Variants in CDH23 observed in about 807,000 individuals in gnomAD.
CDH23 encodes the protein cadherin-23.
In CDH23, 189 loss-of-function variants were observed where a neutral mutation model predicts 317.1. The ratio of observed to expected loss-of-function variants is 0.60; its 90% CI spans 0.53 to 0.67. The LOEUF (loss-of-function observed/expected upper bound fraction) is 0.67. Among genes scored for constraint, CDH23 ranks in the 30% least tolerant of loss-of-function variants. The pLI, the probability that CDH23 is intolerant of heterozygous loss-of-function variation, is 0.00. For synonymous variants in CDH23, 1,839 were observed against 1,876.8 expected, an observed-to-expected ratio of 0.98 and a Z score of 0.52; for missense variants, 4,401 against 4,592.4, an observed-to-expected ratio of 0.96 and a Z score of 1.20.
At chr10:71,677,194 G>A (rs912887631) in intron 15 of CDH23, among the ~76,000 whole-genome samples, 1 of 152,106 alleles carries the variant, frequency 6.6e-6, no homozygotes, top group East Asian at 1.9e-4. Context: ...ATAGCAGGAG[G>A]GTTGTTCTGC....
chr10:71,656,793 C>T (rs936167426), intron 14 of CDH23, among the ~76,000 whole-genome samples: 1 of 152,096 alleles, frequency 6.6e-6, no homozygotes, highest in Non-Finnish European at 1.5e-5. Context: ...GTGGTGGATG[C>T]ACAGAGAGCA....
intron 14 of CDH23, among the ~76,000 whole-genome samples, chr10:71,652,799 C>A (rs1863240366): frequency 6.6e-6 from 1 of 152,206 alleles, no homozygotes; most frequent in Non-Finnish European, 1.5e-5. Context: ...AGAGCTGTGG[C>A]CCTGCCTCAG....
intron 9 of CDH23, among the ~76,000 whole-genome samples, chr10:71,612,263 T>G (rs1261151510): frequency 6.6e-6 from 1 of 151,960 alleles, no homozygotes; most frequent in Admixed American, 6.6e-5. Context: ...TGTATGTGTG[T>G]CTTGAGTTTG....
intron 6 of CDH23, among the ~76,000 whole-genome samples, chr10:71,560,300 A>G (rs1399104060): frequency 1.3e-5 from 2 of 152,100 alleles, no homozygotes; most frequent in African/African-American, 2.4e-5. Flanking sequence ...ATGGGAGCCC[A>G]TTTTCTTATT....
intron 9 of CDH23, among the ~76,000 whole-genome samples, chr10:71,587,977 GACACCCACAAGTCC>G (rs1431910249): frequency 1.3e-5 from 2 of 152,218 alleles, no homozygotes; most frequent in African/African-American, 4.8e-5. Context: ...TAAGCCTGAA[GACACCCACAAGTCC>G]ACATTGCTAT....
intron 16 of CDH23, among the ~76,000 whole-genome samples, chr10:71,678,417 C>A (rs924487884): frequency 1.3e-5 from 2 of 152,344 alleles, no homozygotes; most frequent in Non-Finnish European, 1.5e-5. Flanking sequence ...GCAAGTCCCC[C>A]ACTAGGCTTC....
intron 34 of CDH23, among the ~76,000 whole-genome samples, chr10:71,737,546 C>T (rs1171595879): frequency 4.6e-5 from 7 of 152,220 alleles, no homozygotes; most frequent in African/African-American, 1.7e-4. Context: ...CAGGCTTAGC[C>T]GGCTCCCCAT....
chr10:71,806,487 G>T (rs1301435936), intron 57 of CDH23, among the ~76,000 whole-genome samples: 1 of 149,360 alleles, frequency 6.7e-6, no homozygotes, highest in Non-Finnish European at 1.5e-5. Context: ...AAAAAAAAAA[G>T]GCAGACCAAA....
At chr10:71,734,541 G>T in intron 33 of CDH23, 115 bp from the exon 34 acceptor site, 1 of 1,606,600 alleles carries the variant, frequency 6.2e-7, no homozygotes, top group African/African-American at 1.3e-5. Context: ...GCAGGTGGAG[G>T]GTGGCACCTC....
In CDH23 at chr10:71,602,632, C is replaced by T. The variant is rs57398751; in HGVS notation, c.833-12872C>T. ...TTGTCCCACAAACTTCAGGGTGCAC[C>T]TGTCACTGCCATTGCACCCCACCCT... On this transcript the variant is annotated intron_variant, in intron 9 of 69. Coordinates refer to ENST00000224721, the MANE Select transcript of CDH23 (RefSeq NM_022124.6). Among the ~76,000 whole-genome samples, 3,602 of 152,194 alleles carry T rather than the reference C, an allele frequency of 0.024. 225 individuals are homozygous for T. In the East Asian group the frequency reaches 0.26, roughly 11 times the overall value.
chr10:71,505,747 C>T (rs902426887), intron 3 of CDH23, among the ~76,000 whole-genome samples: 8 of 152,108 alleles, frequency 5.3e-5, no homozygotes, highest in African/African-American at 9.7e-5. Flanking sequence ...TCCTCCTTAC[C>T]GCTGAAAAAA....
intron 8 of CDH23, 136 bp from the exon 9 acceptor site, chr10:71,577,778 C>A: frequency 2.8e-6 from 2 of 707,522 alleles, no homozygotes; most frequent in South Asian, 1.7e-5. Context: ...GATGCCTGAG[C>A]CCTTGGCATC....
At chr10:71,807,211 G>A (rs976723433) in intron 57 of CDH23, 66 bp from the exon 58 acceptor site, 1 of 1,587,412 alleles carries the variant, frequency 6.3e-7, no homozygotes, top group African/African-American at 1.3e-5. Context: ...CCAGGGCCCT[G>A]AAACAGGGAC....
chr10:71,429,686 C>G (rs11591429), intron 1 of CDH23, among the ~76,000 whole-genome samples: 86,299 of 152,054 alleles, frequency 0.57, 24,797 homozygotes, highest in East Asian at 0.62. Flanking sequence ...AAGAAGGTAT[C>G]GTGACTGACT....
intron 38 of CDH23, among the ~76,000 whole-genome samples, chr10:71,773,805 G>C (rs992745587): frequency 4.6e-5 from 7 of 152,168 alleles, no homozygotes; most frequent in African/African-American, 1.4e-4. Context: ...CTCTAACAGC[G>C]TGATAGACGT....
At position 71,667,359 on chromosome 10, in the gene CDH23, A is replaced by AGAGAGAGAGAGTGTGTGTGT. The variant is rs58361666; in HGVS notation, c.1450-7752_1450-7751insAGAGAGAGAGTGTGTGTGTG. Among the ~76,000 whole-genome samples the AGAGAGAGAGAGTGTGTGTGT allele has an allele frequency of 1.6e-3, 175 of 112,084 alleles. 1 individual carries two copies. The highest frequency in any genetic ancestry group is 0.013 in the Middle Eastern group (3 of 230). The allele number at this position is 112,084 out of a possible 152,430, so 73.5% of individuals were successfully genotyped here. A position where few individuals can be genotyped will look rare whatever the true frequency, so the allele number is the denominator to read the frequency against. ...GCTTGAGGCAGAGAAAGAGAGAGAG[A>AGAGAGAGAGAGTGTGTGTGT]GTGTGTGTGTGTGTGTGTGTGTGTG... On this transcript the variant is annotated intron_variant, in intron 14 of 69. Coordinates refer to ENST00000224721, the MANE Select transcript of CDH23 (RefSeq NM_022124.6).
intron 1 of CDH23, among the ~76,000 whole-genome samples, chr10:71,411,852 G>C (rs1227772868): frequency 6.6e-6 from 1 of 152,156 alleles, no homozygotes; most frequent in Non-Finnish European, 1.5e-5. Flanking sequence ...TCAGTGTGCA[G>C]TTCAGTGGCA....
intron 11 of CDH23, among the ~76,000 whole-genome samples, chr10:71,625,396 T>TA (rs1156772192): frequency 0.3 from 6,007 of 19,782 alleles, 1,306 homozygotes; most frequent in Non-Finnish European, 0.43. Context: ...CCAAATAAAT[T>TA]AAAAAAAAAA....
At chr10:71,661,472 G>A (rs10999939) in intron 14 of CDH23, among the ~76,000 whole-genome samples, 6,125 of 152,230 alleles carry the variant, frequency 0.04, 280 homozygotes, top group East Asian at 0.15. Flanking sequence ...AAATGGGGAG[G>A]ATGTTACTGT....
Sources: allele counts gnomAD v4.1 joint callset (sites outside exome capture counted in the v4.1 genomes callset), GRCh38; gene constraint gnomAD v4.1.1; transcripts MANE v1.5; gene names NCBI Gene and HGNC (gene_info 2026-07-23, HGNC 2026-07-21).